Variants in DUSP10 observed in about 807,000 individuals in gnomAD.
DUSP10 encodes the protein dual specificity protein phosphatase 10.
Under a neutral mutation model 30.8 loss-of-function variants are expected in DUSP10, and 14 were observed. That is an observed-to-expected ratio of 0.46 (90% CI 0.30 to 0.71). The LOEUF (loss-of-function observed/expected upper bound fraction) is 0.71, where lower values mean the gene tolerates loss of function less well. DUSP10 is among the 30% of genes least tolerant of loss of function. The probability of loss-of-function intolerance (pLI) is 0.08; values close to 1 mark genes in which losing one functional copy is unlikely to be tolerated. For missense variants in DUSP10, 550 were observed against 619.4 expected, an observed-to-expected ratio of 0.89 and a Z score of 1.19; for synonymous variants, 254 against 250.4, an observed-to-expected ratio of 1.01 and a Z score of -0.14.
At chr1:221,721,172 T>C (rs1041280339) in intron 2 of DUSP10, among the ~76,000 whole-genome samples, 5 of 152,236 alleles carry the variant, frequency 3.3e-5, no homozygotes, top group Non-Finnish European at 7.3e-5. Flanking sequence ...GTATTCACTG[T>C]TTAGCATCTG....
At chr1:221,739,819 TAA>T in intron 1 of DUSP10, 32 bp from the exon 2 acceptor site, 2 of 1,489,500 alleles carry the variant, frequency 1.3e-6, no homozygotes, top group Non-Finnish European at 1.8e-6. Flanking sequence ...AAAGAAAGAA[TAA>T]AGTCACGTGA....
chr1:221,735,281 T>C lies in DUSP10; in HGVS notation c.811+3653A>G, dbSNP rs150971812. The stretch of plus-strand genomic sequence containing the variant: ...GCAAGTAGAGGCATGGGCTCTGACA[T>C]ACCAGGGAGGAAGGGGGACACACAG... On this transcript the variant is annotated intron_variant, in intron 2 of 3. Coordinates refer to ENST00000366899, the MANE Select transcript of DUSP10 (RefSeq NM_007207.6). Among the ~76,000 whole-genome samples, 11 of 152,294 alleles carry C rather than the reference T, an allele frequency of 7.2e-5. No individual in the cohort carries two copies. The East Asian group carries it at 2.1e-3, about 29-fold the overall frequency.
At chr1:221,736,930 G>T (rs780295760) in intron 2 of DUSP10, 235 of 985,284 alleles carry the variant, frequency 2.4e-4, no homozygotes, top group Admixed American at 3.7e-4. Flanking sequence ...TGCCCAGGGC[G>T]CCCAGTGGTG....
chr1:221,721,480 C>T (rs1286334596), intron 2 of DUSP10, among the ~76,000 whole-genome samples: 1 of 152,198 alleles, frequency 6.6e-6, no homozygotes. Context: ...GTGCAGGACT[C>T]GCCAGGTGAA....
chr1:221,731,267 C>T (rs1661581877), intron 2 of DUSP10, among the ~76,000 whole-genome samples: 2 of 151,802 alleles, frequency 1.3e-5, no homozygotes, highest in African/African-American at 2.4e-5. Flanking sequence ...TACTTGCAAA[C>T]ATTTTATTTT....
chr1:221,714,243 A>C (rs1028130303), intron 2 of DUSP10, among the ~76,000 whole-genome samples: 1 of 152,248 alleles, frequency 6.6e-6, no homozygotes, highest in Non-Finnish European at 1.5e-5. Flanking sequence ...ACAGGAGTTA[A>C]GAAGAAATTA....
intron 2 of DUSP10, among the ~76,000 whole-genome samples, chr1:221,729,040 T>C (rs1006605343): frequency 7.2e-5 from 11 of 152,026 alleles, no homozygotes; most frequent in Non-Finnish European, 1.6e-4. Context: ...CCTCTCCGAG[T>C]TTCAGTCCCT....
rs1156455851 is a variant in DUSP10, at chr1:221,702,263, TTAAAAA to T, written c.*143_*148del. On this transcript the variant is annotated 3_prime_UTR_variant, in exon 4 of 4. Transcript: ENST00000366899. This position sits in a 1 kb window ranked among gnomAD's most constrained non-coding sequence, Gnocchi z 4.5. Reference sequence around the variant, plus strand: ...AAAAGTTATAGTCTTCTTACACTTGTTAAAAATAAAGTGTTTAAACAAGTTTGTTTC... The same window carrying T: ...AAAAGTTATAGTCTTCTTACACTTGTTAAAGTGTTTAAACAAGTTTGTTTC... The T allele has an allele frequency of 4.5e-6, 4 of 890,578 alleles. No homozygotes were observed. The African/African-American group carries it at 5.0e-5, about 11-fold the overall frequency. 55.2% of individuals were successfully genotyped at this position (890,578 alleles called of 1,614,324 possible).
chr1:221,723,206 T>C (rs1162040703), intron 2 of DUSP10, among the ~76,000 whole-genome samples: 1 of 152,102 alleles, frequency 6.6e-6, no homozygotes, highest in Admixed American at 6.5e-5. Context: ...AGTATGAAGG[T>C]CTCAGAGGCC....
intron 1 of DUSP10, among the ~76,000 whole-genome samples, chr1:221,740,815 C>G (rs972942669): frequency 1.3e-5 from 2 of 152,216 alleles, no homozygotes; most frequent in Non-Finnish European, 2.9e-5. Flanking sequence ...CCCACCGGAT[C>G]TATCTCTGAT....
At chr1:221,737,921 G>A (rs889810154) in intron 2 of DUSP10, among the ~76,000 whole-genome samples, 1 of 152,212 alleles carries the variant, frequency 6.6e-6, no homozygotes, top group Non-Finnish European at 1.5e-5. Flanking sequence ...GGTTGGAGAT[G>A]TGACCCAGAA....
intron 2 of DUSP10, among the ~76,000 whole-genome samples, chr1:221,733,873 G>A (rs551331598): frequency 3.1e-4 from 47 of 152,326 alleles, no homozygotes; most frequent in African/African-American, 9.6e-4. Context: ...ACATGGCTGG[G>A]AGAGAGAGTT....
At chr1:221,705,992 T>G in intron 3 of DUSP10, 103 bp downstream of exon 3, 1 of 1,498,774 alleles carries the variant, frequency 6.7e-7, no homozygotes, top group South Asian at 1.4e-5. Flanking sequence ...CCAGGGCAGC[T>G]TTTCTTTTCC....
At chr1:221,708,371 T>A (rs1050041615) in intron 2 of DUSP10, among the ~76,000 whole-genome samples, 1 of 152,242 alleles carries the variant, frequency 6.6e-6, no homozygotes, top group African/African-American at 2.4e-5. Flanking sequence ...CCGAGTCTCA[T>A]GACTTTTCAC....
At chr1:221,721,550 C>T (rs141298703) in intron 2 of DUSP10, among the ~76,000 whole-genome samples, 3 of 152,286 alleles carry the variant, frequency 2.0e-5, no homozygotes, top group African/African-American at 7.2e-5. Flanking sequence ...GCTGAGTACA[C>T]TTATGAGGAA....
At chr1:221,711,952 ATCT>A (rs1344451727) in intron 2 of DUSP10, 1 of 152,232 alleles carries the variant, frequency 6.6e-6, no homozygotes. Flanking sequence ...CAAGGCTGAA[ATCT>A]TCTTCAAAGA....
At chr1:221,727,712 T>C (rs1485905311) in intron 2 of DUSP10, among the ~76,000 whole-genome samples, 2 of 152,202 alleles carry the variant, frequency 1.3e-5, no homozygotes, top group Non-Finnish European at 1.5e-5. Context: ...TTAATCTCCT[T>C]GAATTTATTT....
chr1:221,713,813 G>A (rs561359144), intron 2 of DUSP10, among the ~76,000 whole-genome samples: 1 of 152,302 alleles, frequency 6.6e-6, no homozygotes, highest in African/African-American at 2.4e-5. Flanking sequence ...GAAGACAGGT[G>A]ACTGCTGATA....
intron 2 of DUSP10, among the ~76,000 whole-genome samples, chr1:221,724,803 G>A (rs1231358094): frequency 3.9e-5 from 6 of 152,054 alleles, no homozygotes; most frequent in Non-Finnish European, 8.8e-5. Flanking sequence ...GAAGTCATTC[G>A]GCTCCCATGG....
Sources: allele counts gnomAD v4.1 joint callset (sites outside exome capture counted in the v4.1 genomes callset), GRCh38; gene constraint gnomAD v4.1.1; non-coding constraint Gnocchi (gnomAD v3.1); transcripts MANE v1.5; gene names NCBI Gene and HGNC (gene_info 2026-07-23, HGNC 2026-07-21).